SLC25A13: variants seen among roughly 807,000 people sequenced by gnomAD.
SLC25A13 encodes the protein electrogenic aspartate/glutamate antiporter SLC25A13, mitochondrial.
SLC25A13 carries 70 observed loss-of-function variants against 85.5 expected under a neutral mutation model. The observed-to-expected ratio is 0.82, with a 90% CI of 0.68 to 1.00. The LOEUF is 1.00. Ranked by LOEUF, SLC25A13 falls within the 50% of genes least tolerant of loss-of-function variation. The probability of loss-of-function intolerance (pLI) is 0.00; values close to 1 mark genes in which losing one functional copy is unlikely to be tolerated. For synonymous variants in SLC25A13, 259 were observed against 288.7 expected (o/e 0.90, Z 1.04); for missense variants, 765 against 819.8 (o/e 0.93, Z 0.82).
intron 3 of SLC25A13, among the ~76,000 whole-genome samples, chr7:96,265,563 T>C (rs1419304341): frequency 6.6e-6 from 1 of 152,228 alleles, no homozygotes; most frequent in Non-Finnish European, 1.5e-5. Flanking sequence ...TGCCATTTAA[T>C]TACTCAGAAT....
chr7:96,146,405 A>G, intron 14 of SLC25A13, 151 bp downstream of exon 14: 1 of 924,288 alleles, frequency 1.1e-6, no homozygotes, highest in Non-Finnish European at 1.6e-6. Context: ...ACCTCCTTCT[A>G]ATTGGCATGA....
At chr7:96,225,316 G>A (rs373316406) in intron 4 of SLC25A13, among the ~76,000 whole-genome samples, 9 of 152,208 alleles carry the variant, frequency 5.9e-5, no homozygotes, top group African/African-American at 2.2e-4. Context: ...AAGCCAAGGC[G>A]GGAGGATTGC....
chr7:96,232,515 G>A (rs2116806853), intron 4 of SLC25A13, among the ~76,000 whole-genome samples: 1 of 151,036 alleles, frequency 6.6e-6, no homozygotes, highest in East Asian at 2.0e-4. Flanking sequence ...TCTGAGTAAT[G>A]AAATAATTTG....
chr7:96,202,135 G>C (rs919806453), intron 5 of SLC25A13, among the ~76,000 whole-genome samples: 1 of 152,168 alleles, frequency 6.6e-6, no homozygotes, highest in Non-Finnish European at 1.5e-5. Context: ...AACCAAAATT[G>C]TTCAGTTGCA....
chr7:96,260,153 T>C (rs1442958089), intron 3 of SLC25A13, among the ~76,000 whole-genome samples: 2 of 151,954 alleles, frequency 1.3e-5, no homozygotes, highest in African/African-American at 4.8e-5. Flanking sequence ...TGTATACCTA[T>C]GTAATAAACC....
chr7:96,267,860 TG>T (rs933637817), intron 3 of SLC25A13, among the ~76,000 whole-genome samples: 12 of 151,832 alleles, frequency 7.9e-5, no homozygotes, highest in Non-Finnish European at 1.6e-4. Context: ...TACAACAAAG[TG>T]GCAGGGGGCT....
At chr7:96,268,449 C>T (rs1198053861) in intron 3 of SLC25A13, among the ~76,000 whole-genome samples, 1 of 152,030 alleles carries the variant, frequency 6.6e-6, no homozygotes, top group Non-Finnish European at 1.5e-5. Flanking sequence ...CCTTAGAGTC[C>T]CACCTCCTCC....
chr7:96,152,682 G>A (rs1477418262), intron 13 of SLC25A13, among the ~76,000 whole-genome samples: 2 of 152,168 alleles, frequency 1.3e-5, no homozygotes, highest in Non-Finnish European at 2.9e-5. Context: ...CTGAAGGCAG[G>A]GGTTTAGATA....
At position 96,208,822 on chromosome 7, in the gene SLC25A13, TA is replaced by T; in HGVS notation, c.468+15del. ...GCCCGGCCATACCCTTTTAACTTTT[TA>T]AGAGCTAGACCCACCAATAAAAACT... On this transcript the variant is annotated intron_variant, in intron 5 of 17. Coordinates refer to ENST00000265631, the MANE Select transcript of SLC25A13 (RefSeq NM_014251.3). 1 of 1,613,762 alleles carries T rather than the reference TA, an allele frequency of 6.2e-7. No homozygotes were observed. The highest frequency in any genetic ancestry group is 8.5e-7 in the Non-Finnish European group (1 of 1,179,818).
At chr7:96,166,550 C>CTT (rs2116562431) in intron 13 of SLC25A13, among the ~76,000 whole-genome samples, 3 of 152,086 alleles carry the variant, frequency 2.0e-5, no homozygotes, top group Admixed American at 2.0e-4. Flanking sequence ...GGATCAAAAG[C>CTT]TAAAGATCCC....
intron 2 of SLC25A13, among the ~76,000 whole-genome samples, chr7:96,289,446 G>A (rs979574356): frequency 5.3e-5 from 8 of 152,070 alleles, no homozygotes; most frequent in Non-Finnish European, 7.4e-5. Context: ...GGCTTCAGAC[G>A]ATCAAACTTC....
At chr7:96,171,608 C>T in intron 11 of SLC25A13, 84 bp from the exon 12 acceptor site, 1 of 1,174,700 alleles carries the variant, frequency 8.5e-7, no homozygotes, top group South Asian at 1.3e-5. Context: ...GGGATTACCA[C>T]TTAAAAACTG....
At chr7:96,165,844 T>C (rs1793717562) in intron 13 of SLC25A13, among the ~76,000 whole-genome samples, 1 of 152,196 alleles carries the variant, frequency 6.6e-6, no homozygotes, top group South Asian at 2.1e-4. Flanking sequence ...GGCACACCTG[T>C]GTCTGTATTG....
At chr7:96,136,607 C>A (rs568332765) in intron 14 of SLC25A13, among the ~76,000 whole-genome samples, 14 of 152,154 alleles carry the variant, frequency 9.2e-5, no homozygotes, top group Non-Finnish European at 4.4e-5. Flanking sequence ...GGGGAAAAAA[C>A]CAGTCCTGAA....
At chr7:96,232,528 C>T (rs1379801426) in intron 4 of SLC25A13, among the ~76,000 whole-genome samples, 3 of 148,596 alleles carry the variant, frequency 2.0e-5, no homozygotes, top group Non-Finnish European at 4.4e-5. Context: ...ATAATTTGTA[C>T]AACAAACCCC....
At chr7:96,131,995 A>G (rs1401788828) in intron 14 of SLC25A13, 114 bp from the exon 15 acceptor site, 20 of 1,306,764 alleles carry the variant, frequency 1.5e-5, no homozygotes, top group Non-Finnish European at 1.8e-5. Flanking sequence ...CCAAATTTGT[A>G]CTCACACATT....
chr7:96,159,714 T>C (rs146275644), intron 13 of SLC25A13, among the ~76,000 whole-genome samples: 3 of 152,272 alleles, frequency 2.0e-5, no homozygotes, highest in African/African-American at 7.2e-5. Flanking sequence ...TGATTTGGTA[T>C]GAAAATAAAA....
chr7:96,258,442 CA>C (rs1339234860), intron 3 of SLC25A13, among the ~76,000 whole-genome samples: 1 of 152,136 alleles, frequency 6.6e-6, no homozygotes, highest in Non-Finnish European at 1.5e-5. Flanking sequence ...AGAGCCAGAT[CA>C]TGAGCAAACT....
At chr7:96,263,324 A>T (rs1053400254) in intron 3 of SLC25A13, among the ~76,000 whole-genome samples, 1 of 152,226 alleles carries the variant, frequency 6.6e-6, no homozygotes, top group Admixed American at 6.5e-5. Flanking sequence ...GAAACCCTCC[A>T]ACTGTGTTCT....
Sources: allele counts gnomAD v4.1 joint callset (sites outside exome capture counted in the v4.1 genomes callset), GRCh38; gene constraint gnomAD v4.1.1; transcripts MANE v1.5; gene names NCBI Gene and HGNC (gene_info 2026-07-23, HGNC 2026-07-21).